Variants in KDM6A observed in about 807,000 individuals in gnomAD.
KDM6A encodes lysine-specific demethylase 6A.
In KDM6A, 11 loss-of-function variants were observed where a neutral mutation model predicts 117.6. That is an observed-to-expected ratio of 0.09 (90% CI 0.06 to 0.15). The LOEUF is 0.15. KDM6A is among the 10% of genes least tolerant of loss of function. KDM6A has a pLI of 1.00. For missense variants in KDM6A, 799 were observed against 1,077.3 expected (o/e 0.74, Z 3.62); for synonymous variants, 384 against 396.1 (o/e 0.97, Z 0.36).
intron 3 of KDM6A, among the ~76,000 whole-genome samples, chrX:44,969,458 C>A (rs1458584053): frequency 2.1e-5 from 2 of 94,883 alleles, no homozygotes; most frequent in South Asian, 1.1e-3. Flanking sequence ...TGCTCTGTTG[C>A]CCAGGCTGGA....
At chrX:45,001,186 T>G (rs1371386521) in intron 4 of KDM6A, among the ~76,000 whole-genome samples, 1 of 111,665 alleles carries the variant, frequency 9.0e-6, no homozygotes, top group Non-Finnish European at 1.9e-5. Flanking sequence ...TAGGGTTTGC[T>G]GAAACCTCAG....
intron 8 of KDM6A, among the ~76,000 whole-genome samples, chrX:45,046,617 T>G (rs922366803): frequency 8.9e-6 from 1 of 112,016 alleles, no homozygotes; most frequent in Admixed American, 9.5e-5. Flanking sequence ...GACTCAGCAG[T>G]ATAAAGATGT....
chrX:44,910,822 T>TCATA lies in KDM6A; in HGVS notation c.225+36836_225+36839dup, dbSNP rs1450187499. Reference sequence around the variant, plus strand: ...AGAGAGCACCGGGTTGGGGGTAAGGTCATAGATCAACAGCATCCCAAGGCA... The same window carrying TCATA: ...AGAGAGCACCGGGTTGGGGGTAAGGTCATACATAGATCAACAGCATCCCAAGGCA... On this transcript the variant is annotated intron_variant, in intron 2 of 29. Coordinates refer to ENST00000611820, the MANE Select transcript of KDM6A (RefSeq NM_001291415.2). 2.7e-4 allele frequency among the ~76,000 whole-genome samples: 30 copies of TCATA among 111,538 alleles called. No individual in the cohort carries two copies. The East Asian group carries it at 7.7e-3, about 29-fold the overall frequency.
chrX:45,020,529 A>G, intron 5 of KDM6A, 81 bp from the exon 6 acceptor site: 4 of 987,807 alleles, frequency 4.0e-6, no homozygotes, highest in Non-Finnish European at 5.7e-6. Flanking sequence ...ATTGCATAAA[A>G]CAGAAGTTTC....
chrX:45,052,117 T>C (rs2043880516), intron 9 of KDM6A, among the ~76,000 whole-genome samples: 1 of 112,360 alleles, frequency 8.9e-6, no homozygotes, highest in Admixed American at 9.4e-5. Context: ...TTACCTAATG[T>C]CACTTAATGG....
intron 2 of KDM6A, among the ~76,000 whole-genome samples, chrX:44,906,008 T>A (rs758327858): frequency 8.9e-6 from 1 of 112,151 alleles, no homozygotes; most frequent in African/African-American, 3.2e-5. Context: ...TTGGGTTTGG[T>A]CTCTACAGAC....
chrX:45,037,710 T>C, intron 8 of KDM6A, 21 bp downstream of exon 8: 2 of 1,146,076 alleles, frequency 1.7e-6, no homozygotes, highest in Admixed American at 4.4e-5. Flanking sequence ...TAACTTATTC[T>C]ATTTAAAACA....
At chrX:44,878,857 G>T (rs1232066416) in intron 2 of KDM6A, among the ~76,000 whole-genome samples, 1 of 110,403 alleles carries the variant, frequency 9.1e-6, no homozygotes, top group Non-Finnish European at 1.9e-5. Context: ...GCGTAGCTGG[G>T]ATTACAGGTG....
intron 27 of KDM6A, among the ~76,000 whole-genome samples, chrX:45,102,356 G>T (rs1040389037): frequency 9.0e-6 from 1 of 111,440 alleles, no homozygotes; most frequent in Non-Finnish European, 1.9e-5. Context: ...TACATTATAG[G>T]TTATTACCTT....
chrX:44,953,797 G>C (rs1431114198), intron 2 of KDM6A, among the ~76,000 whole-genome samples: 1 of 111,721 alleles, frequency 9.0e-6, no homozygotes, highest in Non-Finnish European at 1.9e-5. Flanking sequence ...TTAAGAATCA[G>C]CAATACTTTA....
At chrX:45,041,022 C>T (rs1193956515) in intron 8 of KDM6A, among the ~76,000 whole-genome samples, 12 of 66,946 alleles carry the variant, frequency 1.8e-4, no homozygotes, top group African/African-American at 3.0e-4. Flanking sequence ...CCCTCCCGGA[C>T]GGGGCGGCTG....
intron 4 of KDM6A, among the ~76,000 whole-genome samples, chrX:44,985,800 A>G: frequency 9.0e-6 from 1 of 111,712 alleles, no homozygotes; most frequent in African/African-American, 3.3e-5. Flanking sequence ...GTGCTGCTGG[A>G]TTCGGTTTGT....
At chrX:44,950,336 T>G (rs1475385898) in intron 2 of KDM6A, among the ~76,000 whole-genome samples, 5 of 111,855 alleles carry the variant, frequency 4.5e-5, no homozygotes, top group African/African-American at 1.6e-4. Flanking sequence ...CTTTTTCATA[T>G]GGAAAATCAC....
intron 18 of KDM6A, among the ~76,000 whole-genome samples, chrX:45,070,836 C>T (rs979010638): frequency 1.8e-5 from 2 of 109,798 alleles, no homozygotes; most frequent in Admixed American, 9.8e-5. Context: ...GGTTATAAAG[C>T]AGGCAGAAGA....
At chrX:44,998,566 G>GGTTTT (rs2040981506) in intron 4 of KDM6A, among the ~76,000 whole-genome samples, 1 of 110,904 alleles carries the variant, frequency 9.0e-6, no homozygotes, top group Non-Finnish European at 1.9e-5. Flanking sequence ...TTCCCCAGTA[G>GGTTTT]GTTTTGTTTT....
At chrX:44,916,060 AT>A (rs1367974346) in intron 2 of KDM6A, among the ~76,000 whole-genome samples, 1 of 111,334 alleles carries the variant, frequency 9.0e-6, no homozygotes, top group African/African-American at 3.3e-5. Context: ...TTTATTAGTT[AT>A]TGTTAATCTA....
chrX:44,892,310 A>G (rs892694162), intron 2 of KDM6A, among the ~76,000 whole-genome samples: 2 of 112,048 alleles, frequency 1.8e-5, no homozygotes, highest in Admixed American at 9.5e-5. Context: ...TTTAATCACA[A>G]CACTTTGGGA....
chrX:45,075,078 T>G (rs2045050979), intron 18 of KDM6A, among the ~76,000 whole-genome samples: 1 of 112,007 alleles, frequency 8.9e-6, no homozygotes, highest in African/African-American at 3.2e-5. Context: ...CCATTTACTC[T>G]ACAGTAGTAT....
chrX:45,079,071 T>TA (rs1257798871), intron 20 of KDM6A, 75 bp from the exon 21 acceptor site: 5,844 of 662,127 alleles, frequency 8.8e-3, no homozygotes, highest in Non-Finnish European at 0.011. Flanking sequence ...CTTCTTCCTT[T>TA]AAAAAAAAAA....
Sources: gnomAD v4.1 joint callset for allele counts (sites outside exome capture counted in the v4.1 genomes callset) on GRCh38, gnomAD v4.1.1 for gene constraint, MANE v1.5 for transcripts, NCBI Gene and HGNC (gene_info 2026-07-23, HGNC 2026-07-21) for gene names.